Variants in SLC16A7 observed in about 807,000 individuals in gnomAD.
SLC16A7 encodes monocarboxylate transporter 2.
A neutral mutation model predicts 34.9 loss-of-function variants in SLC16A7; 33 were observed. The ratio of observed to expected loss-of-function variants is 0.94; its 90% CI spans 0.72 to 1.26. The LOEUF is 1.26. SLC16A7 is among the 50% of genes most tolerant of loss of function. The pLI, the probability that SLC16A7 is intolerant of heterozygous loss-of-function variation, is 0.00. For synonymous variants in SLC16A7, 201 were observed against 206.6 expected, an observed-to-expected ratio of 0.97 and a Z score of 0.23; for missense variants, 573 against 578.1, an observed-to-expected ratio of 0.99 and a Z score of 0.09.
At chr12:59,598,620 T>A (rs2136952149) in intron 1 of SLC16A7, among the ~76,000 whole-genome samples, 1 of 152,340 alleles carries the variant, frequency 6.6e-6, no homozygotes, top group African/African-American at 2.4e-5. Context: ...CAGGAACCTG[T>A]ATTCAGCCCA....
At chr12:59,716,230 G>T (rs936199156) in intron 3 of SLC16A7, among the ~76,000 whole-genome samples, 1 of 152,164 alleles carries the variant, frequency 6.6e-6, no homozygotes, top group Non-Finnish European at 1.5e-5. Context: ...ATCTCATGCA[G>T]TCAATGATTG....
intron 3 of SLC16A7, among the ~76,000 whole-genome samples, chr12:59,719,538 T>G (rs1317254871): frequency 1.3e-5 from 2 of 152,146 alleles, no homozygotes; most frequent in Non-Finnish European, 2.9e-5. Context: ...AAATAAACTT[T>G]AGATAAATTC....
chr12:59,607,232 A>T lies in SLC16A7; in HGVS notation c.-130+10996A>T, dbSNP rs529880673. On this transcript the variant is annotated intron_variant, in intron 1 of 5. Transcript: ENST00000547379. ...TTCTGATGGAGGAATCAAAGAAGAC[A>T]TTAATGAAACAAGTGAAATTTATTT... Among the ~76,000 whole-genome samples, 63 of 152,342 alleles carry T rather than the reference A, an allele frequency of 4.1e-4. No individual in the cohort carries two copies. The South Asian group carries it at 0.013, about 31-fold the overall frequency.
Position 59,773,104 on chromosome 12 carries a change from TA to T in SLC16A7, c.362-1540del, listed in dbSNP as rs1169219160. ...ATGGGGAAAATGATTGATATAAGAT[TA>T]AAAAAAAAAAAACCTTAAGCTCTGA... On this transcript the variant is annotated intron_variant, in intron 4 of 5. Transcript: ENST00000547379. 5.9e-3 allele frequency among the ~76,000 whole-genome samples: 841 copies of T among 142,674 alleles called. 9 individuals carry two copies. The highest frequency in any genetic ancestry group is 0.015 in the African/African-American group (607 of 39,224). 93.6% of individuals were successfully genotyped at this position (142,674 alleles called of 152,430 possible).
chr12:59,713,642 G>T (rs1874521752), intron 3 of SLC16A7, among the ~76,000 whole-genome samples: 1 of 152,130 alleles, frequency 6.6e-6, no homozygotes, highest in Non-Finnish European at 1.5e-5. Flanking sequence ...TGCTCAGCTG[G>T]CTGGAAGTAT....
chr12:59,681,369 A>G (rs1870735802), intron 2 of SLC16A7, among the ~76,000 whole-genome samples: 1 of 152,206 alleles, frequency 6.6e-6, no homozygotes, highest in Non-Finnish European at 1.5e-5. Context: ...CATTTCATGC[A>G]AATAAACTCC....
In SLC16A7 at chr12:59,775,047, T is replaced by A; in HGVS notation, c.752T>A (p.Leu251Gln). Residue 251 changes from leucine (L) to glutamine (Q), a missense_variant, in exon 5 of 6, where the codon CTG becomes CAG. Transcript: ENST00000547379. ...AAGCATAGAGGATTTCTGATATATCTGTCTGGAAATGTCATTATGTTCCTA... is the reference window on the plus strand; with the variant it reads ...AAGCATAGAGGATTTCTGATATATCAGTCTGGAAATGTCATTATGTTCCTA... ...LFKHRGFLIY[L>Q]SGNVIMFLGF... The A allele has an allele frequency of 6.2e-7, 1 of 1,614,098 alleles. No homozygotes were observed. Among genetic ancestry groups the A allele is most frequent in the Non-Finnish European group, 8.5e-7 (1 of 1,179,982 alleles).
chr12:59,614,495 C>T (rs888628017), intron 1 of SLC16A7, among the ~76,000 whole-genome samples: 3 of 152,102 alleles, frequency 2.0e-5, no homozygotes, highest in Non-Finnish European at 4.4e-5. Context: ...TTCTTTATTT[C>T]ATTACATAAT....
At chr12:59,617,943 T>C (rs1405115951) in intron 1 of SLC16A7, among the ~76,000 whole-genome samples, 2 of 152,018 alleles carry the variant, frequency 1.3e-5, no homozygotes, top group Non-Finnish European at 2.9e-5. Flanking sequence ...AGAGGCAATT[T>C]AAATTTTTGA....
At chr12:59,673,090 A>G (rs1225861449) in intron 2 of SLC16A7, among the ~76,000 whole-genome samples, 1 of 152,194 alleles carries the variant, frequency 6.6e-6, no homozygotes, top group Non-Finnish European at 1.5e-5. Flanking sequence ...TCTCATTTCC[A>G]TCGCCTCTAT....
chr12:59,646,916 G>C (rs1225155670), intron 1 of SLC16A7, among the ~76,000 whole-genome samples: 1 of 152,144 alleles, frequency 6.6e-6, no homozygotes, highest in African/African-American at 2.4e-5. Context: ...ACTTGCATGG[G>C]CCTGTAGCCC....
intron 2 of SLC16A7, among the ~76,000 whole-genome samples, chr12:59,677,238 C>T (rs1366096144): frequency 2.6e-5 from 4 of 151,894 alleles, no homozygotes; most frequent in Non-Finnish European, 4.4e-5. Flanking sequence ...TCCAATGCAT[C>T]ATTATTGGGT....
At chr12:59,756,327 A>G (rs1363759081) in intron 3 of SLC16A7, among the ~76,000 whole-genome samples, 1 of 152,090 alleles carries the variant, frequency 6.6e-6, no homozygotes, top group Non-Finnish European at 1.5e-5. Flanking sequence ...GCAACCTACA[A>G]AATGGGAGAA....
rs1202972085 is a variant in SLC16A7, at chr12:59,596,661, C to T, written c.-130+425C>T. 6.6e-6 allele frequency among the ~76,000 whole-genome samples: 1 copy of T among 152,092 alleles called. No homozygotes were observed. Among genetic ancestry groups the T allele is most frequent in the Non-Finnish European group, 1.5e-5 (1 of 68,002 alleles). On this transcript the variant is annotated intron_variant, in intron 1 of 5. Transcript: ENST00000547379. The surrounding 1 kb of genome is among the most constrained non-coding windows in gnomAD (Gnocchi z 5.0). ...GTGCGGCGTGTCTCTAGTGCGCGCC[C>T]CGCCAGCATCCGGCCCCCGAGCCCC...
At chr12:59,686,998 T>C (rs1392794817) in intron 2 of SLC16A7, among the ~76,000 whole-genome samples, 1 of 152,054 alleles carries the variant, frequency 6.6e-6, no homozygotes, top group African/African-American at 2.4e-5. Flanking sequence ...CTTGATGTAG[T>C]CATTTCAGAA....
Position 59,686,202 on chromosome 12 carries a change from T to C in SLC16A7, c.-30-18570T>C, listed in dbSNP as rs137982411. 5.3e-3 allele frequency among the ~76,000 whole-genome samples: 801 copies of C among 151,816 alleles called. 5 individuals are homozygous for C. Among genetic ancestry groups the C allele is most frequent in the African/African-American group, 0.019 (768 of 41,418 alleles). On this transcript the variant is annotated intron_variant, in intron 2 of 5. Transcript: ENST00000547379. ...CACTGTCCATATGTTTATTACTTAT[T>C]TTGAATGGCAGTAGCATTTTCTTAG...
intron 3 of SLC16A7, among the ~76,000 whole-genome samples, chr12:59,713,599 G>C (rs1874518432): frequency 6.6e-6 from 1 of 152,152 alleles, no homozygotes; most frequent in African/African-American, 2.4e-5. Context: ...TTTTTAAATG[G>C]TTAATCTAGA....
In SLC16A7 at chr12:59,743,654, CAAATT is replaced by C. The variant is rs550411728; in HGVS notation, c.218-27560_218-27556del. Among the ~76,000 whole-genome samples, 37 of 152,168 alleles carry C rather than the reference CAAATT, an allele frequency of 2.4e-4. No homozygotes were observed. The South Asian group carries it at 3.3e-3, about 14-fold the overall frequency. On this transcript the variant is annotated intron_variant, in intron 3 of 5. Transcript: ENST00000547379. Reference sequence around the variant, plus strand: ...AAGACTTTAACAAATTTTTATTAAACAAATTAAATATATTTAGAAGCTACTACATC... The same window carrying C: ...AAGACTTTAACAAATTTTTATTAAACAAATATATTTAGAAGCTACTACATC...
chr12:59,658,007 G>A (rs570029051), intron 2 of SLC16A7, among the ~76,000 whole-genome samples: 1 of 151,854 alleles, frequency 6.6e-6, no homozygotes, highest in South Asian at 2.1e-4. Context: ...TGACACCCTA[G>A]GTTTTCTCTA....
Sources: allele counts gnomAD v4.1 joint callset (sites outside exome capture counted in the v4.1 genomes callset), GRCh38; gene constraint gnomAD v4.1.1; non-coding constraint Gnocchi (gnomAD v3.1); transcripts MANE v1.5; gene names NCBI Gene and HGNC (gene_info 2026-07-23, HGNC 2026-07-21).